The following CREBRF variants were observed in gnomAD, a reference collection of about 807,000 sequenced individuals.
CREBRF encodes UPF0474 protein C5orf41.
CREBRF carries 5 observed loss-of-function variants against 66.1 expected under a neutral mutation model. The observed-to-expected ratio is 0.08, with a 90% CI of 0.04 to 0.16. The LOEUF is 0.16. Ranked by LOEUF, CREBRF falls within the 10% of genes least tolerant of loss-of-function variation. The pLI is 1.00. For synonymous variants in CREBRF, 229 were observed against 264.4 expected, an observed-to-expected ratio of 0.87 and a Z score of 1.30; for missense variants, 531 against 744.9, an observed-to-expected ratio of 0.71 and a Z score of 3.34.
At position 173,110,582 on chromosome 5, in the gene CREBRF, A is replaced by T. The variant is rs201272974; in HGVS notation, c.1478A>T (p.Lys493Ile). ...TDVEDLTPNP[K>I]KLLQIGNELR... ...GTAGAAGACCTGACTCCAAATCCTA[A>T]AAAACTCCTCCAGATAGGCAATGAA... The change falls in exon 6 of 9, where the codon AAA (lysine) becomes ATA (isoleucine). Residue 493 changes from lysine (K) to isoleucine (I), a missense_variant. Lys to Ile is a moderately radical substitution (Grantham distance 102). Coordinates refer to ENST00000296953, the MANE Select transcript of CREBRF (RefSeq NM_153607.3). 7.9e-5 allele frequency: 127 copies of T among 1,614,086 alleles called. No individual in the cohort carries two copies. The highest frequency in any genetic ancestry group is 9.8e-5 in the Non-Finnish European group (116 of 1,179,932).
At chr5:173,111,362 G>C (rs1758866622) in intron 6 of CREBRF, among the ~76,000 whole-genome samples, 1 of 152,050 alleles carries the variant, frequency 6.6e-6, no homozygotes, top group Non-Finnish European at 1.5e-5. Context: ...TGCCTCCAGG[G>C]CTCAAGGGAT....
chr5:173,078,593 C>G (rs1757841276), intron 1 of CREBRF, among the ~76,000 whole-genome samples: 2 of 148,218 alleles, frequency 1.3e-5, no homozygotes, highest in South Asian at 4.2e-4. Flanking sequence ...GGGTCTTGCT[C>G]TGTGGCCCAG....
chr5:173,105,780 TTA>T (rs1187697278), intron 4 of CREBRF, among the ~76,000 whole-genome samples: 1 of 139,128 alleles, frequency 7.2e-6, no homozygotes, highest in Non-Finnish European at 1.6e-5. Context: ...GCCTTTTTAT[TTA>T]TTTATTTTTG....
At chr5:173,108,906 TTCAGCCCTTCCTAGCAAAC>T in intron 5 of CREBRF, 88 bp downstream of exon 5, 3 of 1,218,592 alleles carry the variant, frequency 2.5e-6, no homozygotes, top group Non-Finnish European at 3.5e-6. Flanking sequence ...TACCTAGGCA[TTCAGCCCTTCCTAGCAAAC>T]TGGAGATGGG....
At chr5:173,121,246 A>G (rs1759131519) in intron 7 of CREBRF, among the ~76,000 whole-genome samples, 1 of 151,860 alleles carries the variant, frequency 6.6e-6, no homozygotes, top group South Asian at 2.1e-4. Context: ...TGGCTTTGTT[A>G]ATTTTCCTTA....
chr5:173,068,400 C>A (rs955631361), intron 1 of CREBRF, among the ~76,000 whole-genome samples: 3 of 152,148 alleles, frequency 2.0e-5, no homozygotes, highest in Non-Finnish European at 4.4e-5. Flanking sequence ...CAAGGTGTTA[C>A]AGATATACAT....
At chr5:173,081,401 C>T (rs906048793) in intron 2 of CREBRF, among the ~76,000 whole-genome samples, 2 of 152,176 alleles carry the variant, frequency 1.3e-5, no homozygotes, top group African/African-American at 4.8e-5. Context: ...CTTATCTAAA[C>T]TCCTCCTTTT....
chr5:173,079,456 C>CT (rs1757866829), intron 1 of CREBRF, among the ~76,000 whole-genome samples: 2 of 138,998 alleles, frequency 1.4e-5, no homozygotes, highest in South Asian at 2.3e-4. Flanking sequence ...GAGTGAGACT[C>CT]TGTCTTTTTT....
chr5:173,120,054 A>G (rs1759101837), intron 7 of CREBRF, among the ~76,000 whole-genome samples: 2 of 152,110 alleles, frequency 1.3e-5, no homozygotes, highest in African/African-American at 4.8e-5. Context: ...GTTGGATTCC[A>G]TTGTTAATGC....
rs183877972 is a variant in CREBRF, at chr5:173,078,621, C to T, written c.-191-1964C>T. 2.8e-3 allele frequency among the ~76,000 whole-genome samples: 414 copies of T among 149,646 alleles called. 8 individuals carry two copies. Among genetic ancestry groups the T allele is most frequent in the Admixed American group, 0.025 (368 of 14,940 alleles). On this transcript the variant is annotated intron_variant, in intron 1 of 8. Coordinates refer to ENST00000296953, the MANE Select transcript of CREBRF (RefSeq NM_153607.3). ...TGGCCCAGGCTGGAGAGCAGTGGTG[C>T]GATCTCGGCTCACTGCAAACTCTGC...
intron 8 of CREBRF, 131 bp downstream of exon 8, chr5:173,123,333 G>A (rs1759187437): frequency 1.3e-6 from 1 of 777,104 alleles, no homozygotes; most frequent in Non-Finnish European, 2.0e-6. Context: ...TCTCCTTTAT[G>A]AGTAGTTTTA....
At chr5:173,083,774 G>T (rs1409785044) in intron 2 of CREBRF, among the ~76,000 whole-genome samples, 2 of 152,186 alleles carry the variant, frequency 1.3e-5, no homozygotes, top group African/African-American at 4.8e-5. Context: ...GAAAGTACTC[G>T]ATAGGTGCTG....
intron 4 of CREBRF, 106 bp downstream of exon 4, chr5:173,091,507 G>T: frequency 2.0e-6 from 3 of 1,501,714 alleles, no homozygotes; most frequent in Non-Finnish European, 2.7e-6. Flanking sequence ...ATTTTAGTTT[G>T]GGAATTAAAT....
chr5:173,119,350 C>T (rs2113788988), intron 7 of CREBRF, among the ~76,000 whole-genome samples: 1 of 152,250 alleles, frequency 6.6e-6, no homozygotes, highest in Admixed American at 6.5e-5. Context: ...TAGTTTCTCT[C>T]TGTCATCTTT....
intron 1 of CREBRF, among the ~76,000 whole-genome samples, chr5:173,072,592 C>CTTT (rs76691654): frequency 4.4e-5 from 6 of 135,626 alleles, no homozygotes; most frequent in African/African-American, 8.2e-5. Context: ...CTGATTTTTA[C>CTTT]TTTTTTTTTT....
chr5:173,117,101 G>C (rs569891007), intron 7 of CREBRF, among the ~76,000 whole-genome samples: 4 of 151,940 alleles, frequency 2.6e-5, no homozygotes, highest in Non-Finnish European at 1.5e-5. Context: ...ATTCTGGGCC[G>C]GTCGCAGTGG....
chr5:173,111,875 C>T (rs1375787726), intron 6 of CREBRF, among the ~76,000 whole-genome samples: 2 of 152,224 alleles, frequency 1.3e-5, no homozygotes, highest in Non-Finnish European at 2.9e-5. Flanking sequence ...CCACTTGCTT[C>T]ACATCCTGTA....
chr5:173,133,499 G>T, intron 8 of CREBRF, 131 bp from the exon 9 acceptor site: 1 of 512,734 alleles, frequency 2.0e-6, no homozygotes. Flanking sequence ...AATAACAAGT[G>T]CCAGGGAATT....
chr5:173,069,591 G>A (rs1360826389), intron 1 of CREBRF, among the ~76,000 whole-genome samples: 1 of 151,980 alleles, frequency 6.6e-6, no homozygotes, highest in Non-Finnish European at 1.5e-5. Flanking sequence ...CAAAGTGCAG[G>A]GATTACAGGC....
Sources: allele counts gnomAD v4.1 joint callset (sites outside exome capture counted in the v4.1 genomes callset), GRCh38; gene constraint gnomAD v4.1.1; transcripts MANE v1.5; gene names NCBI Gene and HGNC (gene_info 2026-07-23, HGNC 2026-07-21).